The following TENM4 variants were observed in gnomAD, a reference collection of about 807,000 sequenced individuals.
TENM4 encodes the protein teneurin transmembrane protein 4.
In TENM4, 82 loss-of-function variants were observed where a neutral mutation model predicts 243.3. The ratio of observed to expected loss-of-function variants is 0.34; its 90% CI spans 0.28 to 0.40. TENM4 has a LOEUF of 0.40. Among genes scored for constraint, TENM4 ranks in the 10% least tolerant of loss-of-function variants. The probability of loss-of-function intolerance (pLI) is 1.00; values close to 1 mark genes in which losing one functional copy is unlikely to be tolerated. For synonymous variants in TENM4, 1,412 were observed against 1,456.3 expected (o/e 0.97, Z 0.69); for missense variants, 3,138 against 3,673.3 (o/e 0.85, Z 3.77).
At chr11:79,433,439 A>G (rs1196302430) in intron 1 of TENM4, among the ~76,000 whole-genome samples, 3 of 152,230 alleles carry the variant, frequency 2.0e-5, no homozygotes, top group Non-Finnish European at 4.4e-5. Flanking sequence ...AGGAATTGGC[A>G]AGGTTTACCC....
intron 1 of TENM4, among the ~76,000 whole-genome samples, chr11:79,418,579 C>T (rs911793548): frequency 1.6e-4 from 24 of 152,218 alleles, no homozygotes; most frequent in African/African-American, 5.5e-4. Flanking sequence ...CCTACTGAAA[C>T]ATGATTTCTC....
At chr11:79,019,429 A>C (rs367740023) in intron 6 of TENM4, among the ~76,000 whole-genome samples, 1 of 152,190 alleles carries the variant, frequency 6.6e-6, no homozygotes, top group Non-Finnish European at 1.5e-5. Flanking sequence ...TTCTACCTCT[A>C]TAACCACCCA....
intron 26 of TENM4, among the ~76,000 whole-genome samples, chr11:78,709,867 A>G (rs1014581972): frequency 6.6e-6 from 1 of 152,342 alleles, no homozygotes; most frequent in Middle Eastern, 3.4e-3. Context: ...AATAGTGTAC[A>G]TGGGTGATAG....
chr11:79,062,255 C>A (rs1860111155), intron 6 of TENM4, among the ~76,000 whole-genome samples: 1 of 152,176 alleles, frequency 6.6e-6, no homozygotes, highest in African/African-American at 2.4e-5. Context: ...ACCACCATGC[C>A]CAGCCATACA....
At chr11:78,748,168 G>C (rs1294841180) in intron 19 of TENM4, among the ~76,000 whole-genome samples, 1 of 152,200 alleles carries the variant, frequency 6.6e-6, no homozygotes, top group Non-Finnish European at 1.5e-5. Context: ...TATAGCTAAT[G>C]CTAATATTAA....
chr11:78,753,023 G>A (rs934901964), intron 19 of TENM4, among the ~76,000 whole-genome samples: 3 of 152,084 alleles, frequency 2.0e-5, no homozygotes, highest in Non-Finnish European at 4.4e-5. Context: ...ACACATAGAC[G>A]TTAACACCCT....
chr11:78,791,479 A>G (rs952423310), intron 15 of TENM4, among the ~76,000 whole-genome samples: 2 of 152,204 alleles, frequency 1.3e-5, no homozygotes, highest in Non-Finnish European at 2.9e-5. Context: ...TAAAACAGGG[A>G]TGACGTCAAC....
chr11:78,849,692 G>A (rs2136193235), intron 12 of TENM4, among the ~76,000 whole-genome samples: 1 of 152,304 alleles, frequency 6.6e-6, no homozygotes, highest in East Asian at 1.9e-4. Flanking sequence ...AGGATCATAA[G>A]CTTTGGAGTC....
chr11:79,398,809 A>T (rs1169586011), intron 1 of TENM4, among the ~76,000 whole-genome samples: 1 of 151,296 alleles, frequency 6.6e-6, no homozygotes, highest in Non-Finnish European at 1.5e-5. Flanking sequence ...AAGACAGATA[A>T]GGTATGCTGG....
intron 10 of TENM4, among the ~76,000 whole-genome samples, chr11:78,860,633 T>C (rs80134594): frequency 0.013 from 1,919 of 152,310 alleles, 32 homozygotes; most frequent in African/African-American, 0.042. Flanking sequence ...TGAGTAGACA[T>C]TGGTTTGACC....
At chr11:78,884,249 A>G (rs1855498081) in intron 9 of TENM4, among the ~76,000 whole-genome samples, 1 of 152,246 alleles carries the variant, frequency 6.6e-6, no homozygotes. Context: ...AAAAGCAGGC[A>G]GCCTAATTTC....
In TENM4 at chr11:78,656,704, G is replaced by A. The variant is rs1857904278; in HGVS notation, c.*1354C>T. The A allele has an allele frequency of 4.3e-6, 1 of 231,442 alleles. No individual in the cohort carries two copies. Among genetic ancestry groups the A allele is most frequent in the Non-Finnish European group, 8.3e-6 (1 of 120,624 alleles). The allele number at this position is 231,442 out of a possible 1,614,324, so 14.3% of individuals were successfully genotyped here. A position where few individuals can be genotyped will look rare whatever the true frequency, so the allele number is the denominator to read the frequency against. On this transcript the variant is annotated 3_prime_UTR_variant, in exon 34 of 34. Transcript: ENST00000278550. ...TGGTGGGGTTGTATGATATGGGCAG[G>A]CCACACCACATCAGCTCTTCCCTCC... is the stretch of plus-strand genomic sequence containing the variant.
At chr11:78,975,942 C>A (rs945497321) in intron 6 of TENM4, among the ~76,000 whole-genome samples, 1 of 152,124 alleles carries the variant, frequency 6.6e-6, no homozygotes, top group Admixed American at 6.5e-5. Context: ...CTGACAGATA[C>A]AGACTTGGAG....
In TENM4 at chr11:78,657,834, C is replaced by T; in HGVS notation, c.*224G>A. Reference sequence around the variant, plus strand: ...AAGACAATAAAGTTTTCATTGTGATCACACTACAGAAAAAAATACCTTCTG... The same window carrying T: ...AAGACAATAAAGTTTTCATTGTGATTACACTACAGAAAAAAATACCTTCTG... On this transcript the variant is annotated 3_prime_UTR_variant, in exon 34 of 34. Transcript: ENST00000278550. The T allele has an allele frequency of 1.6e-6, 1 of 641,830 alleles. No homozygotes were observed. Among genetic ancestry groups the T allele is most frequent in the Admixed American group, 2.8e-5 (1 of 35,604 alleles). 39.8% of individuals were successfully genotyped at this position (641,830 alleles called of 1,614,324 possible). A position where few individuals can be genotyped will look rare whatever the true frequency, so the allele number is the denominator to read the frequency against.
chr11:78,692,078 T>G (rs954820230), intron 28 of TENM4, among the ~76,000 whole-genome samples: 1 of 152,150 alleles, frequency 6.6e-6, no homozygotes, highest in Non-Finnish European at 1.5e-5. Context: ...GGGGCAGTTC[T>G]CTGAACTCCC....
At chr11:79,151,473 G>T (rs538868708) in intron 3 of TENM4, among the ~76,000 whole-genome samples, 1 of 152,096 alleles carries the variant, frequency 6.6e-6, no homozygotes, top group South Asian at 2.1e-4. Context: ...ATCATACTAT[G>T]GTCAAAATTG....
intron 1 of TENM4, among the ~76,000 whole-genome samples, chr11:79,411,585 C>A (rs139181445): frequency 7.0e-4 from 107 of 152,264 alleles, no homozygotes; most frequent in Middle Eastern, 6.8e-3. Flanking sequence ...TCATTTATTG[C>A]ATCTTCTTGG....
At chr11:78,990,679 T>G (rs1270405095) in intron 6 of TENM4, among the ~76,000 whole-genome samples, 4 of 152,184 alleles carry the variant, frequency 2.6e-5, no homozygotes, top group African/African-American at 9.7e-5. Flanking sequence ...CCTAGAAAGA[T>G]ACATATAAAA....
chr11:79,115,697 C>T (rs763610141), intron 4 of TENM4, among the ~76,000 whole-genome samples: 16 of 152,302 alleles, frequency 1.1e-4, no homozygotes, highest in Non-Finnish European at 1.8e-4. Context: ...CCTATTTGGG[C>T]ATTCCAAAGT....
Sources: gnomAD v4.1 joint callset for allele counts (sites outside exome capture counted in the v4.1 genomes callset) on GRCh38, gnomAD v4.1.1 for gene constraint, MANE v1.5 for transcripts, NCBI Gene and HGNC (gene_info 2026-07-23, HGNC 2026-07-21) for gene names.